RNF8: variants seen among roughly 807,000 people sequenced by gnomAD.
RNF8 encodes ring finger protein 8.
Under a neutral mutation model 59.3 loss-of-function variants are expected in RNF8, and 8 were observed. The ratio of observed to expected loss-of-function variants is 0.13; its 90% CI spans 0.08 to 0.24. The LOEUF is 0.24. Ranked by LOEUF, RNF8 falls within the 10% of genes least tolerant of loss-of-function variation. The pLI is 1.00. For missense variants in RNF8, 406 were observed against 572.6 expected (o/e 0.71, Z 2.97); for synonymous variants, 162 against 200.0 (o/e 0.81, Z 1.60).
chr6:37,392,927 T>G lies in RNF8; in HGVS notation c.*2169T>G. 3.6e-6 allele frequency: 1 copy of G among 276,928 alleles called. No homozygotes were observed. The highest frequency in any genetic ancestry group is 6.6e-6 in the Non-Finnish European group (1 of 151,442). The allele number at this position is 276,928 out of a possible 1,614,324, so 17.2% of individuals were successfully genotyped here. A position where few individuals can be genotyped will look rare whatever the true frequency, so the allele number is the denominator to read the frequency against. ...CCTTGGCCTCCCAAAGTGCTGAGAT[T>G]ACAGGCATGAGCCATTGCACCTGGC... On this transcript the variant is annotated 3_prime_UTR_variant, in exon 8 of 8. Coordinates refer to ENST00000373479, the MANE Select transcript of RNF8 (RefSeq NM_003958.4).
intron 7 of RNF8, among the ~76,000 whole-genome samples, chr6:37,382,972 C>CAA (rs1236176308): frequency 1.4e-4 from 12 of 88,016 alleles, no homozygotes; most frequent in African/African-American, 3.5e-4. Context: ...GACTCTGTCT[C>CAA]AAAAAAAAAA....
At chr6:37,358,988 G>A (rs999647784) in intron 1 of RNF8, among the ~76,000 whole-genome samples, 8 of 152,048 alleles carry the variant, frequency 5.3e-5, no homozygotes, top group African/African-American at 9.6e-5. Flanking sequence ...TCCCAGCTAC[G>A]TGGAAGCTGA....
At chr6:37,374,744 T>TAACCA in intron 5 of RNF8, 35 bp downstream of exon 5, 1 of 1,506,974 alleles carries the variant, frequency 6.6e-7, no homozygotes, top group Non-Finnish European at 9.2e-7. Context: ...AGAATTTGGT[T>TAACCA]AGTGCATGCA....
intron 2 of RNF8, chr6:37,368,233 T>C (rs1212656139): frequency 1.5e-6 from 1 of 654,148 alleles, no homozygotes. Flanking sequence ...TATCCACCAA[T>C]AATAAGGTGA....
intron 7 of RNF8, among the ~76,000 whole-genome samples, chr6:37,389,011 A>G (rs1186030098): frequency 6.6e-6 from 1 of 151,674 alleles, no homozygotes; most frequent in East Asian, 1.9e-4. Flanking sequence ...GATCCCCCTC[A>G]TTACATTGCC....
At chr6:37,380,953 G>T (rs1272861391) in intron 6 of RNF8, among the ~76,000 whole-genome samples, 197 bp from the exon 7 acceptor site, 2 of 152,082 alleles carry the variant, frequency 1.3e-5, no homozygotes, top group African/African-American at 4.8e-5. Context: ...GAAGTGCCAG[G>T]ATTACAGGCA....
chr6:37,372,759 A>T (rs185840303), intron 4 of RNF8, among the ~76,000 whole-genome samples: 140 of 152,308 alleles, frequency 9.2e-4, no homozygotes, highest in South Asian at 6.4e-3. Flanking sequence ...CACCAGAGGT[A>T]GGGAGTTCAA....
rs34469147 is a variant in RNF8, at chr6:37,360,623, C to CT, written c.240+63dup. ...ATGACTTTTATTTGTTTTTAAATTACTTTTTTTTTTTTTTGCATAGGTAAT... is the reference window on the plus strand; with the variant it reads ...ATGACTTTTATTTGTTTTTAAATTACTTTTTTTTTTTTTTTGCATAGGTAAT... On this transcript the variant is annotated intron_variant, in intron 2 of 7. Transcript: ENST00000373479. The surrounding 1 kb of genome is among the most constrained non-coding windows in gnomAD (Gnocchi z 4.2). The CT allele has an allele frequency of 0.12, 148,563 of 1,211,472 alleles. 170 individuals are homozygous for CT. Among genetic ancestry groups the CT allele is most frequent in the East Asian group, 0.19 (6,599 of 35,256 alleles). 75.0% of individuals were successfully genotyped at this position (1,211,472 alleles called of 1,614,324 possible).
intron 1 of RNF8, 124 bp downstream of exon 1, chr6:37,354,399 G>A (rs1411655513): frequency 1.4e-5 from 11 of 772,066 alleles, no homozygotes; most frequent in Middle Eastern, 3.8e-4. Flanking sequence ...TCAGGAAGAG[G>A]AGCGAAGTGT....
chr6:37,383,025 C>T (rs765116607), intron 7 of RNF8, among the ~76,000 whole-genome samples: 62 of 151,318 alleles, frequency 4.1e-4, no homozygotes, highest in Non-Finnish European at 6.3e-4. Flanking sequence ...CCTAAGTTTA[C>T]GTCTGACTCC....
intron 1 of RNF8, among the ~76,000 whole-genome samples, 183 bp downstream of exon 1, chr6:37,354,458 G>A (rs947071876): frequency 6.6e-6 from 1 of 151,840 alleles, no homozygotes; most frequent in African/African-American, 2.4e-5. Flanking sequence ...AGCGGTTCTG[G>A]CGCGAGCGGC....
At chr6:37,356,331 T>C (rs1769116364) in intron 1 of RNF8, among the ~76,000 whole-genome samples, 1 of 149,300 alleles carries the variant, frequency 6.7e-6, no homozygotes, top group Non-Finnish European at 1.5e-5. Flanking sequence ...GTTGTACTTA[T>C]TGTTATGGTC....
intron 7 of RNF8, among the ~76,000 whole-genome samples, chr6:37,383,784 G>A (rs958333747): frequency 1.3e-5 from 2 of 152,178 alleles, no homozygotes; most frequent in African/African-American, 2.4e-5. Context: ...CATTCAGTAA[G>A]TCTTGTATCA....
intron 2 of RNF8, among the ~76,000 whole-genome samples, chr6:37,367,759 A>G (rs1281045257): frequency 6.6e-6 from 1 of 152,216 alleles, no homozygotes; most frequent in Admixed American, 6.5e-5. Context: ...AGTGATTTAC[A>G]TGCATTATCT....
chr6:37,371,392 C>T, intron 3 of RNF8, 120 bp from the exon 4 acceptor site: 2 of 706,812 alleles, frequency 2.8e-6, no homozygotes, highest in East Asian at 5.4e-5. Flanking sequence ...TCCACCTGCT[C>T]CCTCACCCCT....
chr6:37,383,433 G>C (rs1399594174), intron 7 of RNF8, among the ~76,000 whole-genome samples: 1 of 152,198 alleles, frequency 6.6e-6, no homozygotes, highest in Non-Finnish European at 1.5e-5. Context: ...TTTAGGATCT[G>C]GAAACTAGGA....
At chr6:37,359,165 C>A (rs1315860595) in intron 1 of RNF8, 1 of 446,022 alleles carries the variant, frequency 2.2e-6, no homozygotes, top group African/African-American at 2.0e-5. Flanking sequence ...AGAAGAATTT[C>A]ATTTCCTTCC....
intron 6 of RNF8, among the ~76,000 whole-genome samples, chr6:37,378,611 A>G (rs1034158598): frequency 1.4e-5 from 2 of 146,940 alleles, no homozygotes; most frequent in African/African-American, 5.4e-5. Context: ...AAAAAAAAAA[A>G]AAAAAAAAAA....
At chr6:37,373,629 A>G (rs1769895263) in intron 4 of RNF8, among the ~76,000 whole-genome samples, 2 of 152,158 alleles carry the variant, frequency 1.3e-5, no homozygotes, top group African/African-American at 4.8e-5. Flanking sequence ...GCTGGTCTCA[A>G]ACTCCTGAGC....
Sources: gnomAD v4.1 joint callset for allele counts (sites outside exome capture counted in the v4.1 genomes callset) on GRCh38, gnomAD v4.1.1 for gene constraint, Gnocchi (gnomAD v3.1) non-coding constraint, MANE v1.5 for transcripts, NCBI Gene and HGNC (gene_info 2026-07-23, HGNC 2026-07-21) for gene names.